The following ESRRG variants were observed in gnomAD, a reference collection of about 807,000 sequenced individuals.
The protein encoded by ESRRG is estrogen related receptor gamma, also known as estrogen-related receptor gamma.
A neutral mutation model predicts 44.0 loss-of-function variants in ESRRG; 13 were observed. The ratio of observed to expected loss-of-function variants is 0.30; its 90% confidence interval spans 0.19 to 0.47. The LOEUF is 0.47. ESRRG is among the 20% of genes least tolerant of loss of function. The pLI, the probability that ESRRG is intolerant of heterozygous loss-of-function variation, is 1.00. For missense variants in ESRRG, 395 were observed against 580.6 expected, an observed-to-expected ratio of 0.68 and a Z score of 3.29; for synonymous variants, 215 against 214.6, an observed-to-expected ratio of 1.00 and a Z score of -0.02.
chr1:216,623,303 G>A (rs2062624747), intron 3 of ESRRG, among the ~76,000 whole-genome samples: 1 of 151,786 alleles, frequency 6.6e-6, no homozygotes, highest in African/African-American at 2.4e-5. Context: ...GGATGGTCTC[G>A]ATCTCCTGAC....
chr1:216,867,859 G>T (rs2096193517), intron 2 of ESRRG, among the ~76,000 whole-genome samples: 1 of 151,800 alleles, frequency 6.6e-6, no homozygotes, highest in African/African-American at 2.4e-5. Flanking sequence ...CAAGAATCGG[G>T]GTACAAAACA....
intron 2 of ESRRG, among the ~76,000 whole-genome samples, chr1:216,659,145 G>C (rs991651695): frequency 6.6e-6 from 1 of 152,142 alleles, no homozygotes; most frequent in Non-Finnish European, 1.5e-5. Context: ...GAGGAAAAAG[G>C]AGAGAACTGT....
chr1:216,525,517 CTTAA>C (rs1558265629), intron 5 of ESRRG, among the ~76,000 whole-genome samples: 1 of 151,798 alleles, frequency 6.6e-6, no homozygotes, highest in African/African-American at 2.4e-5. Context: ...GCTGAGCTGC[CTTAA>C]GTTAAAGAGG....
chr1:216,796,965 C>T (rs1027912152), intron 2 of ESRRG, among the ~76,000 whole-genome samples: 4 of 152,118 alleles, frequency 2.6e-5, no homozygotes, highest in Admixed American at 2.6e-4. Context: ...GATCTCGGCT[C>T]ACTACAATTT....
At chr1:216,543,456 A>G (rs1284406551) in intron 5 of ESRRG, among the ~76,000 whole-genome samples, 1 of 152,032 alleles carries the variant, frequency 6.6e-6, no homozygotes, top group East Asian at 1.9e-4. Context: ...CAAGGTTTAA[A>G]GTTCATCTTG....
intron 1 of ESRRG, among the ~76,000 whole-genome samples, chr1:216,966,281 CA>C (rs2070362259): frequency 6.6e-6 from 1 of 152,138 alleles, no homozygotes; most frequent in South Asian, 2.1e-4. Flanking sequence ...AACGTGTCAA[CA>C]AAAGATTATT....
chr1:216,616,459 T>A (rs2061440625), intron 3 of ESRRG, among the ~76,000 whole-genome samples: 1 of 152,210 alleles, frequency 6.6e-6, no homozygotes, highest in African/African-American at 2.4e-5. Context: ...AAAGGTTGAT[T>A]TGTTTCCCTC....
At chr1:216,732,103 TAAAAAATAAAAAA>T (rs1312350461) in intron 2 of ESRRG, among the ~76,000 whole-genome samples, 2 of 114,260 alleles carry the variant, frequency 1.8e-5, no homozygotes, top group African/African-American at 6.8e-5. Flanking sequence ...AAAAAGAAAA[TAAAAAATAAAAAA>T]AGAAAATAAA....
intron 2 of ESRRG, among the ~76,000 whole-genome samples, chr1:216,837,382 GC>G (rs2095583122): frequency 6.8e-6 from 1 of 147,370 alleles, no homozygotes; most frequent in African/African-American, 2.6e-5. Context: ...CCGCACTCCA[GC>G]CTGGGCAACA....
chr1:216,792,795 C>A (rs770625925), intron 2 of ESRRG, among the ~76,000 whole-genome samples: 6 of 152,102 alleles, frequency 3.9e-5, no homozygotes, highest in Non-Finnish European at 8.8e-5. Flanking sequence ...AGAAAAATTG[C>A]TTAGCTACAG....
chr1:216,539,897 A>G (rs115150642), intron 5 of ESRRG, among the ~76,000 whole-genome samples: 1,611 of 152,152 alleles, frequency 0.011, 34 homozygotes, highest in African/African-American at 0.037. Flanking sequence ...ATTACTACCA[A>G]AATATTTCTT....
intron 1 of ESRRG, among the ~76,000 whole-genome samples, chr1:217,119,587 A>G (rs1270653754): frequency 6.6e-6 from 1 of 152,230 alleles, no homozygotes; most frequent in Non-Finnish European, 1.5e-5. Flanking sequence ...GTCCTGCAGC[A>G]TAAGGGCATA....
intron 2 of ESRRG, among the ~76,000 whole-genome samples, chr1:216,656,161 T>C (rs1240869236): frequency 6.6e-6 from 1 of 152,194 alleles, no homozygotes; most frequent in East Asian, 1.9e-4. Flanking sequence ...GCAGAAGTTA[T>C]TGTTCACAGC....
chr1:217,122,373 C>A (rs183788405), intron 1 of ESRRG, among the ~76,000 whole-genome samples: 2 of 152,100 alleles, frequency 1.3e-5, no homozygotes, highest in Non-Finnish European at 2.9e-5. Context: ...GGATTTGCAT[C>A]CTGGCCCCAC....
intron 2 of ESRRG, among the ~76,000 whole-genome samples, chr1:216,872,902 T>C (rs2096277855): frequency 6.6e-6 from 1 of 152,242 alleles, no homozygotes; most frequent in Non-Finnish European, 1.5e-5. Context: ...TAATGTGTTT[T>C]GAGACTATGT....
At chr1:216,732,368 T>A (rs967767604) in intron 2 of ESRRG, among the ~76,000 whole-genome samples, 5 of 127,222 alleles carry the variant, frequency 3.9e-5, no homozygotes, top group African/African-American at 6.0e-5. Context: ...AAAGTTGACA[T>A]CTGGATTTAT....
At chr1:216,942,193 A>G (rs549193527) in intron 1 of ESRRG, among the ~76,000 whole-genome samples, 2 of 152,132 alleles carry the variant, frequency 1.3e-5, no homozygotes, top group East Asian at 3.9e-4. Flanking sequence ...GTGTTAATTC[A>G]CTTAGGATAG....
At chr1:217,098,895 C>T (rs1007838215) in intron 1 of ESRRG, among the ~76,000 whole-genome samples, 1 of 152,178 alleles carries the variant, frequency 6.6e-6, no homozygotes, top group Non-Finnish European at 1.5e-5. Flanking sequence ...AAGTAGCACC[C>T]TCTTAGGGAG....
chr1:216,960,477 A>T (rs1341945087), intron 1 of ESRRG, among the ~76,000 whole-genome samples: 1 of 152,108 alleles, frequency 6.6e-6, no homozygotes, highest in Non-Finnish European at 1.5e-5. Flanking sequence ...TATTGTTTAG[A>T]TTATTTCTAT....
Sources: gnomAD v4.1 joint callset for allele counts (sites outside exome capture counted in the v4.1 genomes callset) on GRCh38, gnomAD v4.1.1 for gene constraint, MANE v1.5 for transcripts, NCBI Gene and HGNC (gene_info 2026-07-23, HGNC 2026-07-21) for gene names.